The following SLC25A14 variants were observed in gnomAD, a reference collection of about 807,000 sequenced individuals.
The protein encoded by SLC25A14 is brain mitochondrial carrier protein 1.
SLC25A14 carries 8 observed loss-of-function variants against 28.1 expected under a neutral mutation model. The ratio of observed to expected loss-of-function variants is 0.28; its 90% confidence interval spans 0.17 to 0.51. The LOEUF (loss-of-function observed/expected upper bound fraction) is 0.51, where lower values mean the gene tolerates loss of function less well. Ranked by LOEUF, SLC25A14 falls within the 20% of genes least tolerant of loss-of-function variation. The probability of loss-of-function intolerance (pLI) is 0.97; values close to 1 mark genes in which losing one functional copy is unlikely to be tolerated. For missense variants in SLC25A14, 135 were observed against 263.8 expected (o/e 0.51, Z 3.38); for synonymous variants, 74 against 90.6 (o/e 0.82, Z 1.04).
chrX:130,345,802 A>G (rs1413667436), intron 3 of SLC25A14, among the ~76,000 whole-genome samples: 1 of 111,267 alleles, frequency 9.0e-6, no homozygotes, highest in Non-Finnish European at 1.9e-5. Context: ...CGTTCTTGGC[A>G]TATCCTGTGG....
chrX:130,365,748 A>T, intron 9 of SLC25A14, 72 bp downstream of exon 9: 1 of 735,507 alleles, frequency 1.4e-6, no homozygotes, highest in Non-Finnish European at 2.0e-6. Flanking sequence ...AGTTCTTATT[A>T]TTAGTTGCTA....
chrX:130,349,222 G>A, intron 4 of SLC25A14, 29 bp from the exon 5 acceptor site: 3 of 1,010,804 alleles, frequency 3.0e-6, no homozygotes, highest in Non-Finnish European at 4.1e-6. Context: ...AAAATGTTGA[G>A]AATAACTTTT....
At chrX:130,342,772 G>T (rs1408645273) in intron 2 of SLC25A14, among the ~76,000 whole-genome samples, 2 of 110,175 alleles carry the variant, frequency 1.8e-5, no homozygotes, top group East Asian at 5.6e-4. Context: ...ATGAAAATGT[G>T]GGAAGGGTAC....
At chrX:130,345,835 G>A (rs1182692034) in intron 3 of SLC25A14, among the ~76,000 whole-genome samples, 1 of 111,172 alleles carries the variant, frequency 9.0e-6, no homozygotes, top group Non-Finnish European at 1.9e-5. Flanking sequence ...TGGGTCATCA[G>A]TGACCAGAGC....
intron 6 of SLC25A14, among the ~76,000 whole-genome samples, chrX:130,354,176 C>G (rs1440580056): frequency 9.3e-6 from 1 of 107,032 alleles, no homozygotes; most frequent in Non-Finnish European, 1.9e-5. Flanking sequence ...TGCAGTGGCG[C>G]GATCTCGGCT....
At chrX:130,354,680 C>T (rs1044839608) in intron 6 of SLC25A14, among the ~76,000 whole-genome samples, 3 of 111,464 alleles carry the variant, frequency 2.7e-5, no homozygotes, top group African/African-American at 6.5e-5. Flanking sequence ...ATCTGGCCCA[C>T]CCCCTGTTGT....
chrX:130,352,041 C>T (rs113870632), intron 6 of SLC25A14, among the ~76,000 whole-genome samples: 13,231 of 110,598 alleles, frequency 0.12, 864 homozygotes, highest in Middle Eastern at 0.19. Context: ...GCACAGTACC[C>T]AACAGTTTTT....
intron 7 of SLC25A14, among the ~76,000 whole-genome samples, chrX:130,360,518 TG>T (rs1317749723): frequency 8.9e-6 from 1 of 111,839 alleles, no homozygotes; most frequent in Non-Finnish European, 1.9e-5. Context: ...AAGTAATCTG[TG>T]GGGTGATAAT....
At chrX:130,372,879 C>T (rs1394180801) in intron 10 of SLC25A14, 30 bp from the exon 11 acceptor site, 3 of 1,098,172 alleles carry the variant, frequency 2.7e-6, no homozygotes, top group East Asian at 6.1e-5. Context: ...TCGATATCAA[C>T]CTGGTGATCT....
intron 5 of SLC25A14, 168 bp downstream of exon 5, chrX:130,349,513 TAGAG>T (rs770099059): frequency 3.3e-6 from 1 of 302,179 alleles, no homozygotes; most frequent in East Asian, 5.1e-5. Context: ...ATATATGAAT[TAGAG>T]AGACCTGTTC....
chrX:130,350,095 T>G (rs1463763230), intron 5 of SLC25A14, among the ~76,000 whole-genome samples: 1 of 112,132 alleles, frequency 8.9e-6, no homozygotes, highest in Non-Finnish European at 1.9e-5. Context: ...TTCTTTGTTC[T>G]TTTTTCTCAC....
At chrX:130,356,538 T>G (rs1273405988) in intron 6 of SLC25A14, among the ~76,000 whole-genome samples, 1 of 111,198 alleles carries the variant, frequency 9.0e-6, no homozygotes, top group South Asian at 3.8e-4. Flanking sequence ...CAAGGACAAC[T>G]TTTTCTCATT....
chrX:130,358,932 G>A, intron 7 of SLC25A14, 197 bp downstream of exon 7: 1 of 774,076 alleles, frequency 1.3e-6, no homozygotes. Context: ...ATATAGGTGG[G>A]GAAAGTTATT....
chrX:130,347,124 C>A (rs894005510), intron 4 of SLC25A14, among the ~76,000 whole-genome samples: 1 of 111,159 alleles, frequency 9.0e-6, no homozygotes, highest in Non-Finnish European at 1.9e-5. Flanking sequence ...TTATCATCAC[C>A]TTTTGATTAG....
intron 4 of SLC25A14, 121 bp from the exon 5 acceptor site, chrX:130,349,130 G>C (rs2033546423): frequency 1.4e-5 from 5 of 345,022 alleles, no homozygotes; most frequent in Non-Finnish European, 2.5e-5. Context: ...ATGAGTGCTT[G>C]AAAAAAATCA....
chrX:130,349,880 C>T (rs2033570350), intron 5 of SLC25A14: 1 of 111,800 alleles, frequency 8.9e-6, no homozygotes, highest in Non-Finnish European at 1.9e-5. Flanking sequence ...TAGTAATGTC[C>T]TTTGAATCAC....
In SLC25A14 at chrX:130,346,614, A is replaced by G; in HGVS notation, c.240A>G (p.Lys80=). 8.3e-7 allele frequency: 1 copy of G among 1,207,577 alleles called. No individual in the cohort carries two copies. The change falls in exon 4 of 11, where the codon AAA becomes AAG. Residue 80 remains lysine, a synonymous_variant. Transcript: ENST00000545805. ...GCCAAAGCATTGATGCCCGTTTCAA[A>G]GAGATAAAATATAGAGGGATGTTCC... ...VQGQSIDARF[K]EIKYRGMFHA...
intron 6 of SLC25A14, among the ~76,000 whole-genome samples, chrX:130,353,043 A>G (rs2033666874): frequency 8.9e-6 from 1 of 112,196 alleles, no homozygotes; most frequent in Admixed American, 9.5e-5. Context: ...TTAAAATTTG[A>G]GGTCTTACAT....
At chrX:130,364,577 C>T (rs2034067782) in intron 7 of SLC25A14, 51 bp from the exon 8 acceptor site, 1 of 1,016,572 alleles carries the variant, frequency 9.8e-7, no homozygotes, top group African/African-American at 1.9e-5. Flanking sequence ...CACTCTAAGA[C>T]ATCACTCCCT....
Sources: allele counts gnomAD v4.1 joint callset (sites outside exome capture counted in the v4.1 genomes callset), GRCh38; gene constraint gnomAD v4.1.1; transcripts MANE v1.5; gene names NCBI Gene and HGNC (gene_info 2026-07-23, HGNC 2026-07-21).